Variants in IL15 observed in about 807,000 individuals in gnomAD.
The protein encoded by IL15 is interleukin 15.
Under a neutral mutation model 19.6 loss-of-function variants are expected in IL15, and 11 were observed. That is an observed-to-expected ratio of 0.56 (90% confidence interval 0.35 to 0.93). The LOEUF (loss-of-function observed/expected upper bound fraction) is 0.93, where lower values mean the gene tolerates loss of function less well. Among genes scored for constraint, IL15 ranks in the 40% least tolerant of loss-of-function variants. IL15 has a pLI of 0.01. For synonymous variants in IL15, 58 were observed against 59.6 expected (o/e 0.97, Z 0.12); for missense variants, 197 against 186.5 (o/e 1.06, Z -0.33).
In IL15 at chr4:141,636,707, G is replaced by C. The variant is rs915487640; in HGVS notation, c.-263G>C. 4.6e-5 allele frequency: 7 copies of C among 151,730 alleles called. No individual in the cohort carries two copies. Among genetic ancestry groups the C allele is most frequent in the Non-Finnish European group, 7.4e-5 (5 of 67,980 alleles). The allele number at this position is 151,730 out of a possible 1,614,324, so 9.4% of individuals were successfully genotyped here. ...TGGGTGGCCGCACCCTCCCGGCTGC[G>C]GTGGCTGTCGCCCCCCACCCTGCAG... On this transcript the variant is annotated 5_prime_UTR_variant, in exon 1 of 8. Transcript: ENST00000320650.
intron 1 of IL15, among the ~76,000 whole-genome samples, chr4:141,642,487 G>T (rs534460053): frequency 6.6e-6 from 1 of 152,256 alleles, no homozygotes; most frequent in Admixed American, 6.5e-5. Context: ...ATTACCATGG[G>T]TTACTGTGCT....
chr4:141,714,366 C>T (rs761017563), intron 2 of IL15, among the ~76,000 whole-genome samples: 1 of 152,032 alleles, frequency 6.6e-6, no homozygotes, highest in Non-Finnish European at 1.5e-5. Context: ...CTTAATTCCC[C>T]CTCTCTAATA....
At chr4:141,706,092 T>C (rs1729504867) in intron 2 of IL15, among the ~76,000 whole-genome samples, 1 of 151,876 alleles carries the variant, frequency 6.6e-6, no homozygotes, top group African/African-American at 2.4e-5. Context: ...CTCCTAACAT[T>C]AAAAAAATTA....
At chr4:141,653,075 CTT>C (rs1727465414) in intron 1 of IL15, among the ~76,000 whole-genome samples, 2 of 152,154 alleles carry the variant, frequency 1.3e-5, no homozygotes, top group African/African-American at 4.8e-5. Context: ...AAAAATGGCT[CTT>C]ATAAATTACA....
chr4:141,721,725 A>G lies in IL15; in HGVS notation c.111-199A>G, dbSNP rs1043609728. On this transcript the variant is annotated intron_variant, in intron 4 of 7. Transcript: ENST00000320650. ...TCTAATCCGGGTTGGTGAAGCCTCA[A>G]GTTATCATAAAATGCCAAAATTGTA... The G allele has an allele frequency of 8.6e-6, 5 of 582,786 alleles. No individual in the cohort carries two copies. The African/African-American group carries it at 9.4e-5, about 11-fold the overall frequency. 36.1% of individuals were successfully genotyped at this position (582,786 alleles called of 1,614,324 possible). A position where few individuals can be genotyped will look rare whatever the true frequency, so the allele number is the denominator to read the frequency against.
At chr4:141,686,452 G>A (rs1181221459) in intron 2 of IL15, among the ~76,000 whole-genome samples, 1 of 152,150 alleles carries the variant, frequency 6.6e-6, no homozygotes, top group Non-Finnish European at 1.5e-5. Context: ...AAGAGCATGA[G>A]CCCAGAAGTG....
At chr4:141,706,765 C>G (rs1046254063) in intron 2 of IL15, among the ~76,000 whole-genome samples, 1 of 151,644 alleles carries the variant, frequency 6.6e-6, no homozygotes, top group Non-Finnish European at 1.5e-5. Context: ...TCCTAGTCTG[C>G]TGAAAAATCT....
In IL15 at chr4:141,720,514, C is replaced by T. The variant is rs1326508144; in HGVS notation, c.58C>T (p.Leu20Phe). ...SISIQCYLCL[L>F]LNSHFLTEAG... The stretch of plus-strand genomic sequence containing the variant: ...TTCCATCCAGTGCTACTTGTGTTTA[C>T]TTCTAAACAGTCATTTTCTAACTGA... Residue 20 changes from leucine to phenylalanine, a missense_variant, in exon 4 of 8, where the codon CTT becomes TTT. Physicochemically the swap from Leu to Phe is conservative, Grantham distance 22. Coordinates refer to ENST00000320650, the MANE Select transcript of IL15 (RefSeq NM_000585.5). 4 of 1,602,134 alleles carry T rather than the reference C, an allele frequency of 2.5e-6. No homozygotes were observed. Among genetic ancestry groups the T allele is most frequent in the South Asian group, 1.1e-5 (1 of 90,724 alleles).
At chr4:141,662,711 A>AT (rs543076575) in intron 2 of IL15, among the ~76,000 whole-genome samples, 25 of 151,166 alleles carry the variant, frequency 1.7e-4, no homozygotes, top group Admixed American at 4.6e-4. Context: ...TCATCAACCT[A>AT]TTTTTTTTCT....
chr4:141,659,206 C>CT (rs398064100), intron 2 of IL15, among the ~76,000 whole-genome samples: 8,822 of 120,108 alleles, frequency 0.073, 876 homozygotes, highest in African/African-American at 0.24. Flanking sequence ...TTCCTGGTGT[C>CT]TTTTTTTTTT....
chr4:141,669,097 G>A (rs1381653851), intron 2 of IL15, among the ~76,000 whole-genome samples: 4 of 152,102 alleles, frequency 2.6e-5, no homozygotes, highest in Admixed American at 2.6e-4. Context: ...CATTTAAAAT[G>A]ATGACAAAAT....
At chr4:141,729,537 C>T (rs1730381150) in intron 6 of IL15, among the ~76,000 whole-genome samples, 1 of 152,132 alleles carries the variant, frequency 6.6e-6, no homozygotes, top group Non-Finnish European at 1.5e-5. Context: ...ACTCTAAGGC[C>T]AGTATTATTA....
chr4:141,712,982 T>C (rs1210652897), intron 2 of IL15, among the ~76,000 whole-genome samples: 1 of 152,116 alleles, frequency 6.6e-6, no homozygotes, highest in Non-Finnish European at 1.5e-5. Context: ...ATAAACATAT[T>C]GTGTAGCCTT....
In IL15 at chr4:141,694,440, C is replaced by T. The variant is rs1217018992; in HGVS notation, c.-99-24926C>T. 3.3e-5 allele frequency among the ~76,000 whole-genome samples: 5 copies of T among 152,102 alleles called. No individual in the cohort carries two copies. The East Asian group carries it at 9.6e-4, about 29-fold the overall frequency. ...GATGCAGGGGTAAGGTCACAGCAGG[C>T]AGAGAGGTGAGCTTAACCAGGTCAG... On this transcript the variant is annotated intron_variant, in intron 2 of 7. Coordinates refer to ENST00000320650, the MANE Select transcript of IL15 (RefSeq NM_000585.5).
chr4:141,719,306 C>A, intron 2 of IL15, 60 bp from the exon 3 acceptor site: 4 of 544,990 alleles, frequency 7.3e-6, no homozygotes, highest in South Asian at 3.0e-5. Context: ...GTATTAATTC[C>A]CTCCCTTTCT....
At position 141,719,390 on chromosome 4, in the gene IL15, A is replaced by C; in HGVS notation, c.-75A>C. The C allele has an allele frequency of 1.4e-6, 1 of 736,602 alleles. No individual in the cohort carries two copies. The highest frequency in any genetic ancestry group is 2.5e-6 in the Non-Finnish European group (1 of 403,642). 45.6% of individuals were successfully genotyped at this position (736,602 alleles called of 1,614,324 possible). On this transcript the variant is annotated 5_prime_UTR_variant, in exon 3 of 8. The change abolishes an upstream ATG in the 5' untranslated region. Transcript: ENST00000320650. The stretch of plus-strand genomic sequence containing the variant: ...GATTGTATTGTAGGAGGCATTGTGG[A>C]TGGATGGCTGCTGGAAACCCCTTGC...
intron 2 of IL15, among the ~76,000 whole-genome samples, chr4:141,688,400 C>T (rs916997342): frequency 1.3e-5 from 2 of 151,998 alleles, no homozygotes; most frequent in Non-Finnish European, 1.5e-5. Flanking sequence ...GGGAGGAGAT[C>T]GCTTTAAAAA....
intron 1 of IL15, among the ~76,000 whole-genome samples, chr4:141,653,646 C>T (rs1242802259): frequency 6.6e-6 from 1 of 152,076 alleles, no homozygotes; most frequent in Non-Finnish European, 1.5e-5. Flanking sequence ...TTAAAAAAAA[C>T]TTCCCATTCT....
intron 2 of IL15, among the ~76,000 whole-genome samples, chr4:141,683,287 T>C (rs1027857995): frequency 7.6e-6 from 1 of 131,684 alleles, no homozygotes; most frequent in Non-Finnish European, 1.6e-5. Flanking sequence ...CAAAAAACAA[T>C]AGGCTGGGCG....
Sources: allele counts gnomAD v4.1 joint callset (sites outside exome capture counted in the v4.1 genomes callset), GRCh38; gene constraint gnomAD v4.1.1; transcripts MANE v1.5; gene names NCBI Gene and HGNC (gene_info 2026-07-23, HGNC 2026-07-21).